GLI2: variants seen among roughly 807,000 people sequenced by gnomAD.
GLI2 encodes transcription activator GLI2.
In GLI2, 22 loss-of-function variants were observed where a neutral mutation model predicts 78.9. The ratio of observed to expected loss-of-function variants is 0.28; its 90% CI spans 0.20 to 0.40. The LOEUF (loss-of-function observed/expected upper bound fraction) is 0.40. GLI2 is among the 10% of genes least tolerant of loss of function. The probability of loss-of-function intolerance (pLI) is 1.00; values close to 1 mark genes in which losing one functional copy is unlikely to be tolerated. For missense variants in GLI2, 2,097 were observed against 2,213.2 expected (o/e 0.95, Z 1.05); for synonymous variants, 974 against 963.7 (o/e 1.01, Z -0.20).
At chr2:120,970,268 T>G in intron 6 of GLI2, 125 bp from the exon 7 acceptor site, 1 of 653,164 alleles carries the variant, frequency 1.5e-6, no homozygotes. Context: ...GAAGCCACGG[T>G]GATGGTGGGG....
At chr2:120,847,990 T>C (rs1405666617) in intron 2 of GLI2, among the ~76,000 whole-genome samples, 1 of 152,096 alleles carries the variant, frequency 6.6e-6, no homozygotes, top group Non-Finnish European at 1.5e-5. Context: ...GGCAGGCGCT[T>C]AGGCAGGGGC....
intron 2 of GLI2, among the ~76,000 whole-genome samples, chr2:120,810,338 C>T (rs1685177997): frequency 6.6e-6 from 1 of 152,212 alleles, no homozygotes; most frequent in South Asian, 2.1e-4. Context: ...AGTGGGCAAG[C>T]CCCAGACAGA....
chr2:120,913,752 C>A (rs1678948871), intron 2 of GLI2, among the ~76,000 whole-genome samples: 2 of 152,214 alleles, frequency 1.3e-5, no homozygotes, highest in African/African-American at 4.8e-5. Context: ...GTTTGCTTGT[C>A]CAGGTGGCTG....
At chr2:120,758,008 C>A (rs1377223512) in intron 1 of GLI2, among the ~76,000 whole-genome samples, 1 of 152,176 alleles carries the variant, frequency 6.6e-6, no homozygotes, top group Non-Finnish European at 1.5e-5. Context: ...ACTAGCAGGG[C>A]CTTTCTGATT....
chr2:120,917,005 A>G lies in GLI2; in HGVS notation c.149-10356A>G, dbSNP rs1308911822. Among the ~76,000 whole-genome samples, 4 of 152,284 alleles carry G rather than the reference A, an allele frequency of 2.6e-5. No homozygotes were observed. The East Asian group carries it at 7.7e-4, about 29-fold the overall frequency. ...TGGGGATTGGGCCTGGGATCTCCAC[A>G]GGAATAGGAGAGAGCAGAGTCTTGC... On this transcript the variant is annotated intron_variant, in intron 2 of 13. Transcript: ENST00000361492.
At chr2:120,894,340 C>G (rs1003208413) in intron 2 of GLI2, among the ~76,000 whole-genome samples, 1 of 151,792 alleles carries the variant, frequency 6.6e-6, no homozygotes, top group Non-Finnish European at 1.5e-5. Flanking sequence ...GCCTGGGGCC[C>G]GCGTAGCTGA....
At chr2:120,933,453 C>CT (rs1680040010) in intron 3 of GLI2, among the ~76,000 whole-genome samples, 1 of 152,128 alleles carries the variant, frequency 6.6e-6, no homozygotes, top group South Asian at 2.1e-4. Context: ...TTGAAGCCCC[C>CT]ATGGGGACAT....
At chr2:120,814,915 A>C (rs934004543) in intron 2 of GLI2, among the ~76,000 whole-genome samples, 1 of 152,058 alleles carries the variant, frequency 6.6e-6, no homozygotes, top group Non-Finnish European at 1.5e-5. Context: ...GGATGAGGTC[A>C]GAAATGGGCG....
chr2:120,788,247 C>T (rs773841100), intron 1 of GLI2, among the ~76,000 whole-genome samples: 1 of 152,224 alleles, frequency 6.6e-6, no homozygotes, highest in Non-Finnish European at 1.5e-5. Flanking sequence ...CAACCACTGA[C>T]GTGTGCACAG....
chr2:120,981,772 T>C (rs151003801), intron 10 of GLI2, among the ~76,000 whole-genome samples: 3 of 152,228 alleles, frequency 2.0e-5, no homozygotes, highest in African/African-American at 7.2e-5. Context: ...ATCTCTTCTT[T>C]CTCCCCTTCC....
chr2:120,765,864 C>T (rs528706163), intron 1 of GLI2, among the ~76,000 whole-genome samples: 1 of 152,316 alleles, frequency 6.6e-6, no homozygotes, highest in Admixed American at 6.5e-5. Flanking sequence ...CGCGCTAAGG[C>T]GGCTGCAGGA....
intron 1 of GLI2, among the ~76,000 whole-genome samples, chr2:120,746,819 T>A (rs1027228317): frequency 2.0e-5 from 3 of 152,180 alleles, no homozygotes; most frequent in Non-Finnish European, 4.4e-5. Context: ...ATATAAAATT[T>A]TTTTTGCTCT....
chr2:120,788,207 C>T (rs1417767032), intron 1 of GLI2, among the ~76,000 whole-genome samples: 2 of 152,224 alleles, frequency 1.3e-5, no homozygotes, highest in African/African-American at 4.8e-5. Context: ...TCTCCAGAGT[C>T]TGCACTCACT....
At chr2:120,951,094 C>T in intron 3 of GLI2, 149 bp from the exon 4 acceptor site, 1 of 715,728 alleles carries the variant, frequency 1.4e-6, no homozygotes. Flanking sequence ...CACAGATGAC[C>T]AGGGGAATGT....
chr2:120,806,862 C>G (rs570265090), intron 2 of GLI2, among the ~76,000 whole-genome samples: 16 of 152,318 alleles, frequency 1.1e-4, no homozygotes, highest in Admixed American at 8.5e-4. Flanking sequence ...GGGGAAGATG[C>G]ATTTAAGAAG....
intron 2 of GLI2, among the ~76,000 whole-genome samples, chr2:120,833,519 C>T (rs1317885111): frequency 1.3e-5 from 2 of 152,204 alleles, no homozygotes; most frequent in Non-Finnish European, 2.9e-5. Flanking sequence ...ATCTAGAGCA[C>T]CCAAAGAATC....
chr2:120,917,161 G>A (rs1029799137), intron 2 of GLI2, among the ~76,000 whole-genome samples: 2 of 152,178 alleles, frequency 1.3e-5, no homozygotes, highest in Admixed American at 1.3e-4. Context: ...CCAGAATGAC[G>A]GTGCTGATCG....
In GLI2 at chr2:120,990,112, G is replaced by GGCCATGCCATGGCT; in HGVS notation, c.4156_4169dup (p.Ser1391TrpfsTer127). ...GCAGCTGGCCTACGCCAGGGCCACAGGCCATGCCATGGCTGCCATGCCGTC... is the reference window on the plus strand; with the variant it reads ...GCAGCTGGCCTACGCCAGGGCCACAGGCCATGCCATGGCTGCCATGCCATGGCTGCCATGCCGTC... On this transcript the variant is annotated frameshift_variant, in exon 14 of 14. Coordinates refer to ENST00000361492, the MANE Select transcript of GLI2 (RefSeq NM_001374353.1). LOFTEE classifies it low-confidence loss of function (END_TRUNC). The GGCCATGCCATGGCT allele has an allele frequency of 6.2e-7, 1 of 1,603,028 alleles. No individual in the cohort carries two copies. Among genetic ancestry groups the GGCCATGCCATGGCT allele is most frequent in the Non-Finnish European group, 8.5e-7 (1 of 1,173,354 alleles).
rs1016606676 is a variant in GLI2, at chr2:120,784,327, A to G, written c.-30-12964A>G. Among the ~76,000 whole-genome samples the G allele has an allele frequency of 5.9e-5, 9 of 152,196 alleles. 1 individual carries two copies. The highest frequency in any genetic ancestry group is 4.6e-4 in the Admixed American group (7 of 15,278). ...CCTTGCCTGGGGCAGGAGGGCTGGG[A>G]CACGTGTGCTGGGTGGAAGAGATCC... On this transcript the variant is annotated intron_variant, in intron 1 of 13. Transcript: ENST00000361492.
Sources: gnomAD v4.1 joint callset for allele counts (sites outside exome capture counted in the v4.1 genomes callset) on GRCh38, gnomAD v4.1.1 for gene constraint, MANE v1.5 for transcripts, NCBI Gene and HGNC (gene_info 2026-07-23, HGNC 2026-07-21) for gene names.